The following FOXL1 variants were observed in gnomAD, a reference collection of about 807,000 sequenced individuals.
The protein encoded by FOXL1 is forkhead box L1, also known as forkhead box protein L1.
In FOXL1, 2 loss-of-function variants were observed where a neutral mutation model predicts 1.7. The ratio of observed to expected loss-of-function variants is 1.21; its 90% CI spans 0.49 to 3.80. The LOEUF (loss-of-function observed/expected upper bound fraction) is 3.80, where lower values mean the gene tolerates loss of function less well. Ranked by LOEUF, FOXL1 falls within the 30% of genes most tolerant of loss-of-function variation. The pLI is 0.07. For missense variants in FOXL1, 565 were observed against 495.8 expected (o/e 1.14, Z -1.32); for synonymous variants, 280 against 229.3 (o/e 1.22, Z -2.00).
Position 86,580,825 on chromosome 16 carries a change from G to C in FOXL1, c.*1064G>C, listed in dbSNP as rs563170998. ...CTACATTTAATTTAAAAAGTTGGGT[G>C]AAACAACCAAAAGCAGATGCAGAGA... is the stretch of plus-strand genomic sequence containing the variant. On this transcript the variant is annotated 3_prime_UTR_variant, in exon 1 of 1. Transcript: ENST00000320241. The C allele has an allele frequency of 6.0e-6, 1 of 167,020 alleles. No individual in the cohort carries two copies. Among genetic ancestry groups the C allele is most frequent in the Admixed American group, 6.5e-5 (1 of 15,282 alleles). The allele number at this position is 167,020 out of a possible 1,614,324, so 10.3% of individuals were successfully genotyped here. A position where few individuals can be genotyped will look rare whatever the true frequency, so the allele number is the denominator to read the frequency against.
In FOXL1 at chr16:86,582,260, G is replaced by C. The variant is rs1974423045; in HGVS notation, c.*2499G>C. 6.6e-6 allele frequency: 1 copy of C among 152,198 alleles called. No homozygotes were observed. Among genetic ancestry groups the C allele is most frequent in the African/African-American group, 2.4e-5 (1 of 41,454 alleles). The allele number at this position is 152,198 out of a possible 1,614,324, so 9.4% of individuals were successfully genotyped here. ...GTATTCCTTCCTCCTGAACCAAAAA[G>C]AGGAGGTTTGGGTCTTACCAATCCG... is the stretch of plus-strand genomic sequence containing the variant. On this transcript the variant is annotated 3_prime_UTR_variant, in exon 1 of 1. Coordinates refer to ENST00000320241, the MANE Select transcript of FOXL1 (RefSeq NM_005250.3).
Position 86,578,911 on chromosome 16 carries a change from A to G in FOXL1, c.188A>G (p.Gln63Arg). ...ATCGCGCTCATCGCCATGGCGATCC[A>G]GGACGCGCCCGAGCAGAGGGTCACG... ...SYIALIAMAI[Q>R]DAPEQRVTLN... is the part of the protein sequence containing the mutation. The change falls in exon 1 of 1, where the codon CAG becomes CGG. Residue 63 changes from glutamine to arginine, a missense_variant. Coordinates refer to ENST00000320241, the MANE Select transcript of FOXL1 (RefSeq NM_005250.3). 1 of 1,614,144 alleles carries G rather than the reference A, an allele frequency of 6.2e-7. No individual in the cohort carries two copies. The highest frequency in any genetic ancestry group is 8.5e-7 in the Non-Finnish European group (1 of 1,179,990).
In FOXL1 at chr16:86,578,864, G is replaced by A. The variant is rs1014891780; in HGVS notation, c.141G>A (p.Pro47=). 1.9e-6 allele frequency: 3 copies of A among 1,613,958 alleles called. No homozygotes were observed. Among genetic ancestry groups the A allele is most frequent in the Middle Eastern group, 3.3e-4 (2 of 6,060 alleles). Residue 47 remains proline (P), a synonymous_variant, in exon 1 of 1, where the codon CCG becomes CCA. Transcript: ENST00000320241. ...ALAASGRAET[P]QKPPYSYIAL... is the part of the protein sequence containing the mutation. Reference sequence around the variant, plus strand: ...CTGCCTCGGGCCGGGCCGAGACCCCGCAGAAGCCTCCCTACAGCTACATCG... The same window carrying A: ...CTGCCTCGGGCCGGGCCGAGACCCCACAGAAGCCTCCCTACAGCTACATCG...
In FOXL1 at chr16:86,579,392, G is replaced by C. The variant is rs775559591; in HGVS notation, c.669G>C (p.Gln223His). 6.6e-7 allele frequency: 1 copy of C among 1,522,892 alleles called. No individual in the cohort carries two copies. The highest frequency in any genetic ancestry group is 1.2e-5 in the South Asian group (1 of 81,310). 94.3% of individuals were successfully genotyped at this position (1,522,892 alleles called of 1,614,324 possible). A position where few individuals can be genotyped will look rare whatever the true frequency, so the allele number is the denominator to read the frequency against. The change falls in exon 1 of 1, where the codon CAG (glutamine) becomes CAC (histidine). Residue 223 changes from glutamine (Q) to histidine (H), a missense_variant. Gln to His is a conservative substitution (Grantham distance 24). Coordinates refer to ENST00000320241, the MANE Select transcript of FOXL1 (RefSeq NM_005250.3). Reference sequence around the variant, plus strand: ...ACGAGGACGCTGGTGACGCTGCCCAGGGCGCAGCGGCCGTGGCGGTCGGCC... The same window carrying C: ...ACGAGGACGCTGGTGACGCTGCCCACGGCGCAGCGGCCGTGGCGGTCGGCC... Reference protein sequence around the residue: ...SPNEDAGDAAQGAAAVAVGQA... With the variant: ...SPNEDAGDAAHGAAAVAVGQA...
At position 86,582,188 on chromosome 16, in the gene FOXL1, C is replaced by T. The variant is rs906787151; in HGVS notation, c.*2427C>T. ...TTTGTCTGGTTTAGAAAAGCTAAGA[C>T]AAGTGGATACTGAGGTCGTTTTTAT... On this transcript the variant is annotated 3_prime_UTR_variant, in exon 1 of 1. Transcript: ENST00000320241. 23 of 152,188 alleles carry T rather than the reference C, an allele frequency of 1.5e-4. No homozygotes were observed. The highest frequency in any genetic ancestry group is 5.2e-4 in the Admixed American group (8 of 15,282). The allele number at this position is 152,188 out of a possible 1,614,324, so 9.4% of individuals were successfully genotyped here. A position where few individuals can be genotyped will look rare whatever the true frequency, so the allele number is the denominator to read the frequency against.
rs1159027954 is a variant in FOXL1 at position 86,579,361 on chromosome 16, C to T, written c.638C>T (p.Ser213Phe). The T allele has an allele frequency of 6.7e-7, 1 of 1,496,156 alleles. No homozygotes were observed. 92.7% of individuals were successfully genotyped at this position (1,496,156 alleles called of 1,614,324 possible). The change falls in exon 1 of 1, where the codon TCC becomes TTC. Residue 213 changes from serine (S) to phenylalanine (F), a missense_variant. Coordinates refer to ENST00000320241, the MANE Select transcript of FOXL1 (RefSeq NM_005250.3). The stretch of plus-strand genomic sequence containing the variant: ...CCCCTCCACTGGCCGGGGACCGCGT[C>T]CCCGAACGAGGACGCTGGTGACGCT... ...PAPLHWPGTA[S>F]PNEDAGDAAQ...
Position 86,579,411 on chromosome 16 carries a change from G to A in FOXL1, c.688G>A (p.Val230Ile). Residue 230 changes from valine to isoleucine, a missense_variant, in exon 1 of 1, where the codon GTC (valine) becomes ATC (isoleucine). Transcript: ENST00000320241. ...TGCCCAGGGCGCAGCGGCCGTGGCG[G>A]TCGGCCAGGCAGCGCGCACAGGGGA... is the stretch of plus-strand genomic sequence containing the variant. ...DAAQGAAAVA[V>I]GQAARTGDGP... 1.3e-6 allele frequency: 2 copies of A among 1,529,780 alleles called. No homozygotes were observed. The highest frequency in any genetic ancestry group is 1.4e-5 in the African/African-American group (1 of 72,352). The allele number at this position is 1,529,780 out of a possible 1,614,324, so 94.8% of individuals were successfully genotyped here.
Position 86,579,518 on chromosome 16 carries a change from C to A in FOXL1, c.795C>A (p.Ser265Arg). ...AGTCCAAGAGCTTCAGCATAGACAG[C>A]ATCCTGGCGGGAAAGCAGGGCCAGA... ...SDKSKSFSID[S>R]ILAGKQGQKP... Residue 265 changes from serine to arginine, a missense_variant, in exon 1 of 1, where the codon AGC becomes AGA. By Grantham distance (110) the Ser-to-Arg change is moderately radical (BLOSUM62 -1). Coordinates refer to ENST00000320241, the MANE Select transcript of FOXL1 (RefSeq NM_005250.3). The A allele has an allele frequency of 1.2e-6, 2 of 1,602,508 alleles. No individual in the cohort carries two copies. Among genetic ancestry groups the A allele is most frequent in the Non-Finnish European group, 1.7e-6 (2 of 1,174,876 alleles).
rs904601249 is a variant in FOXL1, at chr16:86,579,608, C to T, written c.885C>T (p.Ala295=). 1.2e-6 allele frequency: 2 copies of T among 1,613,246 alleles called. No homozygotes were observed. Among genetic ancestry groups the T allele is most frequent in the Non-Finnish European group, 1.7e-6 (2 of 1,179,932 alleles). Residue 295 remains alanine, a synonymous_variant, in exon 1 of 1, where the codon GCC becomes GCT. Coordinates refer to ENST00000320241, the MANE Select transcript of FOXL1 (RefSeq NM_005250.3). ...AKPGPGGRLG[A]SLLAASSSLR... is the part of the protein sequence containing the mutation. The stretch of plus-strand genomic sequence containing the variant: ...CTGGGCCCGGCGGCCGTCTGGGTGC[C>T]TCGCTCCTGGCCGCCTCCTCCAGCC...
In FOXL1 at chr16:86,578,565, TGAA is replaced by T. The variant is rs1015117129; in HGVS notation, c.-154_-152del. 3.3e-6 allele frequency: 2 copies of T among 602,426 alleles called. No homozygotes were observed. The highest frequency in any genetic ancestry group is 3.7e-5 in the African/African-American group (2 of 53,772). 37.3% of individuals were successfully genotyped at this position (602,426 alleles called of 1,614,324 possible). The stretch of plus-strand genomic sequence containing the variant: ...CAATTATTTAACATTTTTAAAGCCA[TGAA>T]GAAGGGACAGAGCACGGAGCGGCCG... On this transcript the variant is annotated 5_prime_UTR_variant, in exon 1 of 1. Coordinates refer to ENST00000320241, the MANE Select transcript of FOXL1 (RefSeq NM_005250.3).
Position 86,582,347 on chromosome 16 carries a change from A to G in FOXL1, c.*2586A>G, listed in dbSNP as rs1267432305. The stretch of plus-strand genomic sequence containing the variant: ...TCAAAATTATGGCTCAATAAGGTCA[A>G]TAGTTTCTGCTCTTAATTAAAACAA... On this transcript the variant is annotated 3_prime_UTR_variant, in exon 1 of 1. Coordinates refer to ENST00000320241, the MANE Select transcript of FOXL1 (RefSeq NM_005250.3). Among the ~76,000 whole-genome samples the G allele has an allele frequency of 1.3e-5, 2 of 152,218 alleles. No homozygotes were observed. The highest frequency in any genetic ancestry group is 2.9e-5 in the Non-Finnish European group (2 of 68,040).
rs1415706133 is a variant in FOXL1 at position 86,579,838 on chromosome 16, G to C, written c.*77G>C. The C allele has an allele frequency of 3.0e-6, 4 of 1,352,696 alleles. No homozygotes were observed. In the African/African-American group the frequency reaches 5.8e-5, roughly 20 times the overall value. The allele number at this position is 1,352,696 out of a possible 1,614,324, so 83.8% of individuals were successfully genotyped here. A position where few individuals can be genotyped will look rare whatever the true frequency, so the allele number is the denominator to read the frequency against. On this transcript the variant is annotated 3_prime_UTR_variant, in exon 1 of 1. Transcript: ENST00000320241. Reference sequence around the variant, plus strand: ...CGAAAGGCCACAGCTCCCACCGGCGGAGGATTTTAAAATGATCTTTGCCTG... The same window carrying C: ...CGAAAGGCCACAGCTCCCACCGGCGCAGGATTTTAAAATGATCTTTGCCTG...
In FOXL1 at chr16:86,579,588, C is replaced by T. The variant is rs1974386224; in HGVS notation, c.865C>T (p.Pro289Ser). The part of the protein sequence containing the change: ...DELLGGAKPG[P>S]GGRLGASLLA... ...ACTCCTAGGGGGTGCCAAGCCTGGG[C>T]CCGGCGGCCGTCTGGGTGCCTCGCT... The change falls in exon 1 of 1, where the codon CCC (proline) becomes TCC (serine). Residue 289 changes from proline to serine, a missense_variant. Physicochemically the swap from Pro to Ser is moderately conservative, Grantham distance 74. Transcript: ENST00000320241. The T allele has an allele frequency of 1.2e-6, 2 of 1,613,018 alleles. No homozygotes were observed. The highest frequency in any genetic ancestry group is 1.1e-5 in the South Asian group (1 of 91,042).
Position 86,579,750 on chromosome 16 carries a change from C to T in FOXL1, c.1027C>T (p.His343Tyr), listed in dbSNP as rs778077859. 9 of 1,612,456 alleles carry T rather than the reference C, an allele frequency of 5.6e-6. No individual in the cohort carries two copies. In the Admixed American group the frequency reaches 8.3e-5, roughly 15 times the overall value. The change falls in exon 1 of 1, where the codon CAC becomes TAC. Residue 343 changes from histidine to tyrosine, a missense_variant. Transcript: ENST00000320241. ...CCTGCAGGTTCCCGACACGGTACTC[C>T]ACTTCCAGTAAAGCAAACAATGGCA... Reference protein sequence around the residue: ...FPLQVPDTVLHFQ With the variant: ...FPLQVPDTVLYFQ
Position 86,579,134 on chromosome 16 carries a change from C to A in FOXL1, c.411C>A (p.Asn137Lys). 1.2e-6 allele frequency: 2 copies of A among 1,613,502 alleles called. No individual in the cohort carries two copies. Among genetic ancestry groups the A allele is most frequent in the Non-Finnish European group, 1.7e-6 (2 of 1,179,930 alleles). ...GCCTGGACATGTTTGAGAACGGCAACTACCGGCGCCGGAAGAGGAAGCCCA... is the reference window on the plus strand; with the variant it reads ...GCCTGGACATGTTTGAGAACGGCAAATACCGGCGCCGGAAGAGGAAGCCCA... ...PRCLDMFENG[N>K]YRRRKRKPKP... The change falls in exon 1 of 1, where the codon AAC becomes AAA. Residue 137 changes from asparagine to lysine, a missense_variant. Physicochemically the swap from Asn to Lys is moderately conservative, Grantham distance 94. Coordinates refer to ENST00000320241, the MANE Select transcript of FOXL1 (RefSeq NM_005250.3).
rs1974367809 is a variant in FOXL1 at position 86,578,620 on chromosome 16, G to A, written c.-104G>A. The A allele has an allele frequency of 6.2e-6, 6 of 965,374 alleles. No individual in the cohort carries two copies. The highest frequency in any genetic ancestry group is 9.1e-6 in the Non-Finnish European group (6 of 658,032). The allele number at this position is 965,374 out of a possible 1,614,324, so 59.8% of individuals were successfully genotyped here. On this transcript the variant is annotated 5_prime_UTR_variant, in exon 1 of 1. Transcript: ENST00000320241. ...GGAGAGCGGCAGAGCCAGAGGCAGAGGCACGGCTGGCTCCCCGGGAGGGCC... is the reference window on the plus strand; with the variant it reads ...GGAGAGCGGCAGAGCCAGAGGCAGAAGCACGGCTGGCTCCCCGGGAGGGCC...
In FOXL1 at chr16:86,581,215, A is replaced by G. The variant is rs750046315; in HGVS notation, c.*1454A>G. ...GTAATCTTCGAGGCCCTGAAATGCAATTTTCTGAACCTCTAAGTCACTTTT... is the reference window on the plus strand; with the variant it reads ...GTAATCTTCGAGGCCCTGAAATGCAGTTTTCTGAACCTCTAAGTCACTTTT... On this transcript the variant is annotated 3_prime_UTR_variant, in exon 1 of 1. Transcript: ENST00000320241. 1 of 167,096 alleles carries G rather than the reference A, an allele frequency of 6.0e-6. No homozygotes were observed. Among genetic ancestry groups the G allele is most frequent in the African/African-American group, 2.4e-5 (1 of 41,458 alleles). The allele number at this position is 167,096 out of a possible 1,614,324, so 10.4% of individuals were successfully genotyped here.
chr16:86,579,768 C>G lies in FOXL1; in HGVS notation c.*7C>G, dbSNP rs573254555. ...GGTACTCCACTTCCAGTAAAGCAAA[C>G]AATGGCACGGTTCTTCTCCCGGCCC... On this transcript the variant is annotated 3_prime_UTR_variant, in exon 1 of 1. Coordinates refer to ENST00000320241, the MANE Select transcript of FOXL1 (RefSeq NM_005250.3). 22 of 1,609,112 alleles carry G rather than the reference C, an allele frequency of 1.4e-5. No individual in the cohort carries two copies. The highest frequency in any genetic ancestry group is 8.3e-5 in the Admixed American group (5 of 59,954).
In FOXL1 at chr16:86,579,860, C is replaced by T. The variant is rs1974391193; in HGVS notation, c.*99C>T. The T allele has an allele frequency of 1.5e-5, 18 of 1,185,592 alleles. 1 individual carries two copies. The South Asian group carries it at 2.2e-4, about 14-fold the overall frequency. 73.4% of individuals were successfully genotyped at this position (1,185,592 alleles called of 1,614,324 possible). A position where few individuals can be genotyped will look rare whatever the true frequency, so the allele number is the denominator to read the frequency against. The stretch of plus-strand genomic sequence containing the variant: ...GCGGAGGATTTTAAAATGATCTTTG[C>T]CTGGGTCGGCCTGTGGGTTCAGGGA... On this transcript the variant is annotated 3_prime_UTR_variant, in exon 1 of 1. Coordinates refer to ENST00000320241, the MANE Select transcript of FOXL1 (RefSeq NM_005250.3).
Sources: gnomAD v4.1 joint callset for allele counts (sites outside exome capture counted in the v4.1 genomes callset) on GRCh38, gnomAD v4.1.1 for gene constraint, MANE v1.5 for transcripts, NCBI Gene and HGNC (gene_info 2026-07-23, HGNC 2026-07-21) for gene names.